Variants in RUNX2 observed in about 807,000 individuals in gnomAD.
RUNX2 encodes RUNX family transcription factor 2.
In RUNX2, 10 loss-of-function variants were observed where a neutral mutation model predicts 51.7. The observed-to-expected ratio is 0.19, with a 90% confidence interval of 0.12 to 0.33. RUNX2 has a LOEUF of 0.33. RUNX2 is among the 10% of genes least tolerant of loss of function. The pLI is 1.00. For missense variants in RUNX2, 562 were observed against 691.3 expected (o/e 0.81, Z 2.10); for synonymous variants, 276 against 273.6 (o/e 1.01, Z -0.09).
intron 5 of RUNX2, among the ~76,000 whole-genome samples, chr6:45,452,965 A>C (rs1799216808): frequency 6.6e-6 from 1 of 152,188 alleles, no homozygotes; most frequent in African/African-American, 2.4e-5. Flanking sequence ...CTGGTGGAGA[A>C]CCACCCACAG....
At chr6:45,408,525 A>G (rs1360049000) in intron 2 of RUNX2, among the ~76,000 whole-genome samples, 1 of 152,160 alleles carries the variant, frequency 6.6e-6, no homozygotes, top group Non-Finnish European at 1.5e-5. Flanking sequence ...CTATCCTAAA[A>G]GTCACTGAAT....
intron 2 of RUNX2, among the ~76,000 whole-genome samples, chr6:45,331,236 G>C (rs926044097): frequency 6.6e-6 from 1 of 151,886 alleles, no homozygotes; most frequent in Non-Finnish European, 1.5e-5. Context: ...CTCAAAATCT[G>C]TCCATCATTT....
intron 2 of RUNX2, among the ~76,000 whole-genome samples, chr6:45,342,095 G>C (rs867644200): frequency 6.6e-6 from 1 of 152,074 alleles, no homozygotes; most frequent in African/African-American, 2.4e-5. Context: ...TTATGGAAGA[G>C]GCAAAGAATA....
chr6:45,454,908 G>A (rs1799278042), intron 5 of RUNX2, among the ~76,000 whole-genome samples: 1 of 152,162 alleles, frequency 6.6e-6, no homozygotes, highest in Non-Finnish European at 1.5e-5. Context: ...GAGGTCAGGA[G>A]TTCGAGACCA....
intron 2 of RUNX2, chr6:45,371,775 C>T (rs1479090010): frequency 3.2e-6 from 3 of 943,230 alleles, no homozygotes; most frequent in East Asian, 1.2e-4. Context: ...GGATAAGCAA[C>T]TATAACAGAC....
At chr6:45,491,450 GA>G (rs775521890) in intron 5 of RUNX2, among the ~76,000 whole-genome samples, 4 of 152,168 alleles carry the variant, frequency 2.6e-5, no homozygotes, top group Non-Finnish European at 4.4e-5. Flanking sequence ...TAACGTTAAA[GA>G]AAAGTCACTA....
At chr6:45,372,096 A>T (rs915495878) in intron 2 of RUNX2, 2 of 875,442 alleles carry the variant, frequency 2.3e-6, no homozygotes, top group Non-Finnish European at 2.7e-6. Flanking sequence ...TGTGTTGTGA[A>T]ATATTAATAT....
intron 6 of RUNX2, among the ~76,000 whole-genome samples, chr6:45,493,081 A>G (rs775532037): frequency 6.6e-6 from 1 of 152,208 alleles, no homozygotes; most frequent in African/African-American, 2.4e-5. Flanking sequence ...ATTGTTTATA[A>G]GCAGAATGAC....
Position 45,459,233 on chromosome 6 carries a change from CA to C in RUNX2, c.685+21183del, listed in dbSNP as rs538689305. 1.4e-4 allele frequency among the ~76,000 whole-genome samples: 21 copies of C among 152,294 alleles called. No homozygotes were observed. In the South Asian group the frequency reaches 4.1e-3, roughly 30 times the overall value. On this transcript the variant is annotated intron_variant, in intron 5 of 8. Coordinates refer to ENST00000647337, the MANE Select transcript of RUNX2 (RefSeq NM_001024630.4). ...CACATACATCATGATCTTCCATTTT[CA>C]GTATCAAAAACCGTATTCCCACAGA...
At chr6:45,514,022 A>G (rs1801244466) in intron 7 of RUNX2, among the ~76,000 whole-genome samples, 1 of 152,170 alleles carries the variant, frequency 6.6e-6, no homozygotes. Flanking sequence ...GAATAGACTT[A>G]TGCAAACTTG....
intron 8 of RUNX2, 46 bp from the exon 9 acceptor site, chr6:45,546,781 T>C (rs1291391963): frequency 7.1e-7 from 1 of 1,400,204 alleles, no homozygotes; most frequent in Admixed American, 1.7e-5. Flanking sequence ...ATTATTTTAA[T>C]TGATATTTAC....
At chr6:45,510,038 G>A (rs1801095687) in intron 6 of RUNX2, among the ~76,000 whole-genome samples, 2 of 152,170 alleles carry the variant, frequency 1.3e-5, no homozygotes, top group South Asian at 4.1e-4. Context: ...TTCCTGTGCT[G>A]TAAGGAATGA....
rs368475300 is a variant in RUNX2 at position 45,422,685 on chromosome 6, C to A, written c.151C>A (p.Gln51Lys). 2.1e-4 allele frequency: 339 copies of A among 1,603,152 alleles called. No homozygotes were observed. The highest frequency in any genetic ancestry group is 2.7e-4 in the Non-Finnish European group (314 of 1,176,106). The change falls in exon 3 of 9, where the codon CAG becomes AAG. Residue 51 changes from glutamine (Q) to lysine (K), a missense_variant. Around this residue, in one of 5 missense-constraint regions of RUNX2, gnomAD observed 153 missense variants for 144.8 expected, o/e 1.06. Coordinates refer to ENST00000647337, the MANE Select transcript of RUNX2 (RefSeq NM_001024630.4). ...DVSPVVAAQQ[Q>K]QQQQQQQQQQ... The stretch of plus-strand genomic sequence containing the variant: ...GAGCCCGGTGGTGGCTGCGCAACAG[C>A]AGCAGCAACAGCAGCAGCAGCAACA...
chr6:45,489,759 T>C (rs1800402802), intron 5 of RUNX2, among the ~76,000 whole-genome samples: 2 of 152,214 alleles, frequency 1.3e-5, no homozygotes, highest in Non-Finnish European at 2.9e-5. Flanking sequence ...AAGTACTATA[T>C]AATTCCCTAA....
chr6:45,400,640 C>A (rs923776560), intron 2 of RUNX2, among the ~76,000 whole-genome samples: 1 of 152,166 alleles, frequency 6.6e-6, no homozygotes, highest in Non-Finnish European at 1.5e-5. Context: ...AATTTGGGTT[C>A]TTCCCATTGT....
intron 5 of RUNX2, among the ~76,000 whole-genome samples, chr6:45,461,762 T>TG (rs1677626488): frequency 1.3e-5 from 2 of 152,104 alleles, no homozygotes; most frequent in African/African-American, 4.8e-5. Flanking sequence ...ATTTTTTTTT[T>TG]TTGTTTTTTG....
intron 5 of RUNX2, among the ~76,000 whole-genome samples, chr6:45,488,453 G>C (rs1214900178): frequency 2.0e-5 from 3 of 152,198 alleles, no homozygotes; most frequent in Non-Finnish European, 4.4e-5. Flanking sequence ...CAAGACAGAG[G>C]TCAGGGCTCA....
chr6:45,329,010 T>C (rs909766688), intron 2 of RUNX2, among the ~76,000 whole-genome samples: 25 of 152,024 alleles, frequency 1.6e-4, no homozygotes, highest in African/African-American at 5.8e-4. Context: ...AAAATTAAAT[T>C]ATCTCACATT....
intron 2 of RUNX2, among the ~76,000 whole-genome samples, chr6:45,379,056 A>G (rs971795052): frequency 4.6e-5 from 7 of 151,322 alleles, no homozygotes; most frequent in Admixed American, 1.3e-4. Flanking sequence ...CCTTCCTTCT[A>G]TTTGCTTAAA....
Sources: allele counts gnomAD v4.1 joint callset (sites outside exome capture counted in the v4.1 genomes callset), GRCh38; gene constraint gnomAD v4.1.1; regional missense constraint gnomAD v4.1.1; transcripts MANE v1.5; gene names NCBI Gene and HGNC (gene_info 2026-07-23, HGNC 2026-07-21).